The following FNDC7 variants were observed in gnomAD, a reference collection of about 807,000 sequenced individuals.
The protein encoded by FNDC7 is fibronectin type III domain containing 7, also known as fibronectin type III domain-containing protein 7.
Under a neutral mutation model 74.2 loss-of-function variants are expected in FNDC7, and 66 were observed. The observed-to-expected ratio is 0.89, with a 90% CI of 0.73 to 1.09. The LOEUF (loss-of-function observed/expected upper bound fraction) is 1.09, where lower values mean the gene tolerates loss of function less well. Ranked by LOEUF, FNDC7 falls within the 50% of genes least tolerant of loss-of-function variation. The pLI is 0.00. For synonymous variants in FNDC7, 307 were observed against 330.2 expected (o/e 0.93, Z 0.76); for missense variants, 829 against 893.4 (o/e 0.93, Z 0.92).
At position 108,722,501 on chromosome 1, in the gene FNDC7, C is replaced by G; in HGVS notation, c.765C>G (p.Ser255=). ...CTTTCAGTTCCTGCACCATCTCTTC[C>G]CTCCAGTGTGGAACTGAATACTTGA... The part of the protein sequence containing the change: ...STTFSSCTIS[S]LQCGTEYLIS... The change falls in exon 5 of 13, where the codon TCC becomes TCG. Residue 255 remains serine, a synonymous_variant. Coordinates refer to ENST00000370017, the MANE Select transcript of FNDC7 (RefSeq NM_001144937.3). 1 of 1,614,192 alleles carries G rather than the reference C, an allele frequency of 6.2e-7. No homozygotes were observed. The highest frequency in any genetic ancestry group is 8.5e-7 in the Non-Finnish European group (1 of 1,180,024).
intron 9 of FNDC7, among the ~76,000 whole-genome samples, chr1:108,731,705 TTC>T (rs1038457946): frequency 2.0e-5 from 3 of 152,250 alleles, no homozygotes; most frequent in Admixed American, 1.3e-4. Context: ...TCTTCCCTGA[TTC>T]TGTCTCCTCA....
In FNDC7 at chr1:108,728,063, C is replaced by T. The variant is rs540036854; in HGVS notation, c.1367C>T (p.Thr456Ile). 6.2e-7 allele frequency: 1 copy of T among 1,612,372 alleles called. No individual in the cohort carries two copies. The highest frequency in any genetic ancestry group is 1.3e-5 in the African/African-American group (1 of 75,032). Reference protein sequence around the residue: ...NMSCTPQFITTAPCSPEIKNV... With the variant: ...NMSCTPQFITIAPCSPEIKNV... The stretch of plus-strand genomic sequence containing the variant: ...TCATGTACTCCCCAGTTCATAACCA[C>T]AGGTAAGGCACAGCTATCATTCCAC... Residue 456 changes from threonine (T) to isoleucine (I), a missense_variant and splice_region_variant, in exon 7 of 13, where the codon ACA (threonine) becomes ATA (isoleucine). Coordinates refer to ENST00000370017, the MANE Select transcript of FNDC7 (RefSeq NM_001144937.3).
intron 5 of FNDC7, among the ~76,000 whole-genome samples, chr1:108,724,731 G>C (rs1043285515): frequency 6.6e-6 from 1 of 151,352 alleles, no homozygotes; most frequent in Non-Finnish European, 1.5e-5. Flanking sequence ...TCCAGCCTGG[G>C]TGACAGAGCG....
Position 108,742,080 on chromosome 1 carries a change from CA to C in FNDC7, c.*194del, listed in dbSNP as rs1218986572. ...GTCAGGTGTGTCCTCACCTGCACAG[CA>C]GTTGGAGATCTGCTATGTGAGGACT... On this transcript the variant is annotated 3_prime_UTR_variant, in exon 13 of 13. Transcript: ENST00000370017. 4.2e-6 allele frequency: 2 copies of C among 480,330 alleles called. No homozygotes were observed. The highest frequency in any genetic ancestry group is 4.0e-5 in the African/African-American group (2 of 50,308). The allele number at this position is 480,330 out of a possible 1,614,324, so 29.8% of individuals were successfully genotyped here. A position where few individuals can be genotyped will look rare whatever the true frequency, so the allele number is the denominator to read the frequency against.
In FNDC7 at chr1:108,718,988, G is replaced by A. The variant is rs1010523040; in HGVS notation, c.537G>A (p.Lys179=). Residue 179 remains lysine, a synonymous_variant, in exon 4 of 13, where the codon AAG becomes AAA. Coordinates refer to ENST00000370017, the MANE Select transcript of FNDC7 (RefSeq NM_001144937.3). ...AAGCCGGAACTCTCTACACCATAAA[G>A]GCCTATGCATGGAATGCCAACAGAA... ...SLEAGTLYTI[K]AYAWNANRIP... 4.1e-5 allele frequency: 63 copies of A among 1,551,970 alleles called. No individual in the cohort carries two copies. Among genetic ancestry groups the A allele is most frequent in the Non-Finnish European group, 5.4e-5 (62 of 1,147,088 alleles).
In FNDC7 at chr1:108,725,985, CAT is replaced by C. The variant is rs1661210793; in HGVS notation, c.1095_1096del (p.Phe366GlnfsTer10). On this transcript the variant is annotated frameshift_variant, in exon 6 of 13. Coordinates refer to ENST00000370017, the MANE Select transcript of FNDC7 (RefSeq NM_001144937.3). LOFTEE classifies it high-confidence loss of function. ...NKAGQSPLGD[I>X]FNYTTAPCCP... ...AGGCAGGGCAAAGTCCTTTGGGTGACATATTCAATTATACCACAGGTAAGTCC... is the reference window on the plus strand; with the variant it reads ...AGGCAGGGCAAAGTCCTTTGGGTGACATTCAATTATACCACAGGTAAGTCC... 6.2e-7 allele frequency: 1 copy of C among 1,614,052 alleles called. No individual in the cohort carries two copies. The highest frequency in any genetic ancestry group is 1.3e-5 in the African/African-American group (1 of 74,904).
Position 108,713,521 on chromosome 1 carries a change from C to A in FNDC7, c.74C>A (p.Ala25Glu), listed in dbSNP as rs1452108023. ...ILICLKMVAS[A>E]KSAPEIPTID... ...AACTTTCCTTTTCAGGTTGCTTCAG[C>A]AAAATCAGGTACAATTTTCTGACCT... is the stretch of plus-strand genomic sequence containing the variant. The change falls in exon 2 of 13, where the codon GCA becomes GAA. Residue 25 changes from alanine (A) to glutamate (E), a missense_variant. By Grantham distance (107) the Ala-to-Glu change is moderately radical (BLOSUM62 -1). Transcript: ENST00000370017. 3 of 1,548,028 alleles carry A rather than the reference C, an allele frequency of 1.9e-6. No individual in the cohort carries two copies. Among genetic ancestry groups the A allele is most frequent in the Non-Finnish European group, 2.6e-6 (3 of 1,146,166 alleles).
In FNDC7 at chr1:108,725,813, G is replaced by A; in HGVS notation, c.920G>A (p.Trp307Ter). 1.2e-6 allele frequency: 2 copies of A among 1,614,120 alleles called. No homozygotes were observed. Among genetic ancestry groups the A allele is most frequent in the Non-Finnish European group, 1.7e-6 (2 of 1,180,000 alleles). ...EDPPGHLSVA[W>*]SSVDLGDYYV... ...CCCCCTGGCCACCTGTCTGTGGCTT[G>A]GTCCAGTGTAGATCTGGGTGACTAC... The change falls in exon 6 of 13, where the codon TGG becomes TAG. Residue 307 changes from tryptophan to a stop codon, truncating the protein, a stop_gained. Coordinates refer to ENST00000370017, the MANE Select transcript of FNDC7 (RefSeq NM_001144937.3). LOFTEE classifies it high-confidence loss of function.
rs374062779 is a variant in FNDC7 at position 108,728,875 on chromosome 1, C to T, written c.1613C>T (p.Pro538Leu). 2.9e-5 allele frequency: 46 copies of T among 1,613,748 alleles called. No individual in the cohort carries two copies. Among genetic ancestry groups the T allele is most frequent in the Non-Finnish European group, 3.6e-5 (42 of 1,179,900 alleles). ...AGRSLPSYSV[P>L]LETVPCCPTG... ...CGGAGCCTGCCCAGCTACAGTGTGC[C>T]CCTGGAAACAGGTATGTAGCAACCA... is the stretch of plus-strand genomic sequence containing the variant. Residue 538 changes from proline (P) to leucine (L), a missense_variant, in exon 8 of 13, where the codon CCC becomes CTC. Coordinates refer to ENST00000370017, the MANE Select transcript of FNDC7 (RefSeq NM_001144937.3).
Position 108,728,637 on chromosome 1 carries a change from T to A in FNDC7, c.1375T>A (p.Cys459Ser), listed in dbSNP as rs1224794285. Residue 459 changes from cysteine (C) to serine (S), a missense_variant, in exon 8 of 13, where the codon TGC (cysteine) becomes AGC (serine). Physicochemically the swap from Cys to Ser is moderately radical, Grantham distance 112. Transcript: ENST00000370017. ...AATACTCTAAAATGTCTTAGCTCCT[T>A]GCAGTCCTGAAATAAAAAATGTTTC... Reference protein sequence around the residue: ...CTPQFITTAPCSPEIKNVSRD... With the variant: ...CTPQFITTAPSSPEIKNVSRD... The A allele has an allele frequency of 4.3e-6, 7 of 1,614,082 alleles. No individual in the cohort carries two copies. The highest frequency in any genetic ancestry group is 5.9e-6 in the Non-Finnish European group (7 of 1,180,020).
chr1:108,717,789 C>G lies in FNDC7; in HGVS notation c.95C>G (p.Pro32Arg), dbSNP rs1345352370. 1 of 1,551,620 alleles carries G rather than the reference C, an allele frequency of 6.4e-7. No homozygotes were observed. Among genetic ancestry groups the G allele is most frequent in the Admixed American group, 2.0e-5 (1 of 51,002 alleles). The part of the protein sequence containing the change: ...VASAKSAPEI[P>R]TIDQAYSKLS... ...AAACCTCTTTCAGCTCCTGAAATAC[C>G]CACTATTGATCAGGCATATTCAAAA... is the stretch of plus-strand genomic sequence containing the variant. Residue 32 changes from proline (P) to arginine (R), a missense_variant, in exon 3 of 13, where the codon CCC becomes CGC. Pro to Arg is a moderately radical substitution (Grantham distance 103). Coordinates refer to ENST00000370017, the MANE Select transcript of FNDC7 (RefSeq NM_001144937.3).
chr1:108,730,883 GC>G lies in FNDC7; in HGVS notation c.1836del (p.Thr613ProfsTer3). On this transcript the variant is annotated frameshift_variant, in exon 9 of 13. Transcript: ENST00000370017. LOFTEE classifies it high-confidence loss of function. ...NYTVTLKAIS[A>X]TGLTADCSYQ... Reference sequence around the variant, plus strand: ...CACAGTGACATTAAAAGCAATTAGTGCCACCGGGTTGACTGCAGATTGCTCC... The same window carrying G: ...CACAGTGACATTAAAAGCAATTAGTGCACCGGGTTGACTGCAGATTGCTCC... 6.2e-7 allele frequency: 1 copy of G among 1,613,680 alleles called. No individual in the cohort carries two copies.
At chr1:108,740,882 G>T (rs1661628638) in intron 11 of FNDC7, among the ~76,000 whole-genome samples, 1 of 152,158 alleles carries the variant, frequency 6.6e-6, no homozygotes, top group Admixed American at 6.5e-5. Context: ...ATTCTATTAT[G>T]TACCAATTAT....
intron 2 of FNDC7, among the ~76,000 whole-genome samples, chr1:108,714,134 T>C (rs1660926470): frequency 6.6e-6 from 1 of 152,172 alleles, no homozygotes; most frequent in East Asian, 1.9e-4. Context: ...GTGCTAGAAA[T>C]CTAAGTACCT....
intron 5 of FNDC7, among the ~76,000 whole-genome samples, chr1:108,723,653 T>C (rs781227195): frequency 2.6e-5 from 4 of 151,958 alleles, no homozygotes; most frequent in Admixed American, 6.6e-5. Flanking sequence ...TAGCTAAGAG[T>C]GGGAGAAGAG....
intron 9 of FNDC7, 32 bp downstream of exon 9, chr1:108,730,960 A>G (rs758858410): frequency 5.7e-6 from 9 of 1,577,402 alleles, no homozygotes; most frequent in Non-Finnish European, 7.7e-6. Context: ...AGTAGCAGTA[A>G]GGACTTGACT....
At chr1:108,733,568 C>A in intron 10 of FNDC7, 36 bp downstream of exon 10, 2 of 1,590,388 alleles carry the variant, frequency 1.3e-6, no homozygotes, top group Non-Finnish European at 1.7e-6. Context: ...TAAAACTAAC[C>A]CTGAACTCAT....
chr1:108,727,326 T>G (rs10857900), intron 6 of FNDC7, among the ~76,000 whole-genome samples: 60,829 of 151,490 alleles, frequency 0.4, 13,006 homozygotes, highest in Non-Finnish European at 0.49. Flanking sequence ...CCCTGTCTCT[T>G]TGAAAAAACA....
chr1:108,739,022 G>T (rs891563313), intron 11 of FNDC7, among the ~76,000 whole-genome samples: 2 of 152,098 alleles, frequency 1.3e-5, no homozygotes, highest in Non-Finnish European at 2.9e-5. Context: ...AGGTGTGGTA[G>T]AAGTGTCCTA....
Sources: allele counts gnomAD v4.1 joint callset (sites outside exome capture counted in the v4.1 genomes callset), GRCh38; gene constraint gnomAD v4.1.1; transcripts MANE v1.5; gene names NCBI Gene and HGNC (gene_info 2026-07-23, HGNC 2026-07-21).